FRYL: variants seen among roughly 807,000 people sequenced by gnomAD.
The protein encoded by FRYL is protein furry homolog-like.
Under a neutral mutation model 351.2 loss-of-function variants are expected in FRYL, and 150 were observed. The ratio of observed to expected loss-of-function variants is 0.43; its 90% confidence interval spans 0.37 to 0.49. The LOEUF (loss-of-function observed/expected upper bound fraction) is 0.49, where lower values mean the gene tolerates loss of function less well. Ranked by LOEUF, FRYL falls within the 20% of genes least tolerant of loss-of-function variation. FRYL has a pLI of 0.00. For missense variants in FRYL, 3,036 were observed against 3,619.3 expected, an observed-to-expected ratio of 0.84 and a Z score of 4.13; for synonymous variants, 1,153 against 1,257.1, an observed-to-expected ratio of 0.92 and a Z score of 1.75.
At chr4:48,513,918 G>A (rs889425638) in intron 56 of FRYL, among the ~76,000 whole-genome samples, 2 of 152,144 alleles carry the variant, frequency 1.3e-5, no homozygotes, top group South Asian at 2.1e-4. Context: ...GAATAACATC[G>A]TTTCTGGCAT....
chr4:48,749,435 G>A (rs1057189019), intron 1 of FRYL, among the ~76,000 whole-genome samples: 4 of 152,196 alleles, frequency 2.6e-5, no homozygotes, highest in East Asian at 1.9e-4. Flanking sequence ...GGTAAACTGC[G>A]AAAGGACTGG....
At chr4:48,511,135 G>T in intron 57 of FRYL, 151 bp from the exon 58 acceptor site, 3 of 528,158 alleles carry the variant, frequency 5.7e-6, no homozygotes, top group South Asian at 7.1e-5. Context: ...CATATTTTTA[G>T]GTATTTCCTT....
At position 48,582,873 on chromosome 4, in the gene FRYL, C is replaced by G. The variant is rs61172437; in HGVS notation, c.1749-139G>C. On this transcript the variant is annotated intron_variant, in intron 19 of 63. Coordinates refer to ENST00000358350, the MANE Select transcript of FRYL (RefSeq NM_015030.2). ...ATATGAAGATAGCAACCAATGATCA[C>G]TTTTTCATGCTATATTCAACTTTAT... 4,039 of 648,896 alleles carry G rather than the reference C, an allele frequency of 6.2e-3. 113 individuals are homozygous for G. In the African/African-American group the frequency reaches 0.063, roughly 10 times the overall value. The allele number at this position is 648,896 out of a possible 1,614,324, so 40.2% of individuals were successfully genotyped here.
At chr4:48,529,946 T>C (rs1727160524) in intron 50 of FRYL, among the ~76,000 whole-genome samples, 1 of 152,218 alleles carries the variant, frequency 6.6e-6, no homozygotes, top group African/African-American at 2.4e-5. Flanking sequence ...AATATCCAGT[T>C]TCTCAGGTTT....
chr4:48,645,158 G>C (rs1229458330), intron 3 of FRYL, among the ~76,000 whole-genome samples: 3 of 82,132 alleles, frequency 3.7e-5, no homozygotes, highest in African/African-American at 7.4e-5. Context: ...ATATATATCA[G>C]ACTGGCAAAT....
chr4:48,578,940 C>T, intron 23 of FRYL, 33 bp downstream of exon 23: 2 of 1,535,806 alleles, frequency 1.3e-6, no homozygotes, highest in African/African-American at 2.8e-5. Flanking sequence ...ACAGTCTATA[C>T]ATTTTTAAAT....
intron 33 of FRYL, among the ~76,000 whole-genome samples, chr4:48,560,885 T>C (rs1266552868): frequency 6.6e-6 from 1 of 152,180 alleles, no homozygotes; most frequent in Non-Finnish European, 1.5e-5. Context: ...CACTATCTCT[T>C]GAGCCCAAAT....
intron 53 of FRYL, among the ~76,000 whole-genome samples, 159 bp from the exon 54 acceptor site, chr4:48,523,263 C>T (rs1725284744): frequency 6.6e-6 from 1 of 152,154 alleles, no homozygotes; most frequent in Non-Finnish European, 1.5e-5. Flanking sequence ...ACTGTTAACA[C>T]ACCATCAAAT....
intron 44 of FRYL, 72 bp downstream of exon 44, chr4:48,543,735 A>C: frequency 7.6e-7 from 1 of 1,318,932 alleles, no homozygotes; most frequent in South Asian, 1.4e-5. Flanking sequence ...TAGCTATAGC[A>C]ATCTATATGG....
At chr4:48,550,449 C>T in intron 38 of FRYL, 143 bp downstream of exon 38, 1 of 578,576 alleles carries the variant, frequency 1.7e-6, no homozygotes, top group East Asian at 2.8e-5. Context: ...CAAGATGTTT[C>T]AGATTATGTT....
In FRYL at chr4:48,498,439, T is replaced by C. The variant is rs766433033; in HGVS notation, c.*983A>G. ...AAATAACTGGTTTTAGTCTCTACAG[T>C]TTCTATATGGAGTAAAATAAGTTAA... On this transcript the variant is annotated 3_prime_UTR_variant, in exon 64 of 64. Coordinates refer to ENST00000358350, the MANE Select transcript of FRYL (RefSeq NM_015030.2). 3.9e-5 allele frequency: 6 copies of C among 152,536 alleles called. No individual in the cohort carries two copies. The highest frequency in any genetic ancestry group is 7.3e-5 in the Non-Finnish European group (5 of 68,032). 9.4% of individuals were successfully genotyped at this position (152,536 alleles called of 1,614,324 possible).
intron 1 of FRYL, among the ~76,000 whole-genome samples, chr4:48,769,715 C>T (rs1775319221): frequency 6.6e-6 from 1 of 152,190 alleles, no homozygotes; most frequent in Non-Finnish European, 1.5e-5. Flanking sequence ...ATGTACTCTG[C>T]TACGTTCATA....
chr4:48,717,990 ATGAGAAAAGCATTGAATTCAG>A (rs751735713), intron 1 of FRYL, among the ~76,000 whole-genome samples: 11 of 151,818 alleles, frequency 7.2e-5, no homozygotes, highest in Non-Finnish European at 1.5e-4. Flanking sequence ...ACTCCATATA[ATGAGAAAAGCATTGAATTCAG>A]TGATAAAACC....
intron 3 of FRYL, among the ~76,000 whole-genome samples, chr4:48,667,855 C>T (rs895713705): frequency 4.6e-5 from 7 of 152,144 alleles, no homozygotes; most frequent in Non-Finnish European, 8.8e-5. Context: ...ACCATGTTGG[C>T]CATGCTGGTC....
intron 59 of FRYL, among the ~76,000 whole-genome samples, chr4:48,507,535 C>CAGTTAGCT: frequency 6.6e-6 from 1 of 151,790 alleles, no homozygotes; most frequent in South Asian, 2.1e-4. Context: ...CTCAAACAAA[C>CAGTTAGCT]AGTTAGTTAG....
At chr4:48,510,197 A>G in intron 58 of FRYL, 40 bp from the exon 59 acceptor site, 1 of 1,439,712 alleles carries the variant, frequency 6.9e-7, no homozygotes. Flanking sequence ...ACCATTTCTG[A>G]TTGAAATCAT....
intron 1 of FRYL, among the ~76,000 whole-genome samples, chr4:48,755,387 T>C (rs1773670397): frequency 6.6e-6 from 1 of 152,208 alleles, no homozygotes; most frequent in Non-Finnish European, 1.5e-5. Flanking sequence ...AAATAGACAG[T>C]GAATTTCCAC....
At position 48,546,132 on chromosome 4, in the gene FRYL, A is replaced by G; in HGVS notation, c.5214T>C (p.Asn1738=). ...CCTGCTCCACTGAGATGTCAACCTC[A>G]TTGAGGATAGTGGTGTGCAGATGTG... ...AISHLHTTIL[N]EVDISVEQDG... The change falls in exon 42 of 64, where the codon AAT becomes AAC. Residue 1738 remains asparagine (N), a synonymous_variant. Coordinates refer to ENST00000358350, the MANE Select transcript of FRYL (RefSeq NM_015030.2). 6.2e-7 allele frequency: 1 copy of G among 1,613,794 alleles called. No homozygotes were observed. Among genetic ancestry groups the G allele is most frequent in the Non-Finnish European group, 8.5e-7 (1 of 1,179,854 alleles).
At chr4:48,564,417 T>C (rs143008604) in intron 30 of FRYL, among the ~76,000 whole-genome samples, 1 of 152,310 alleles carries the variant, frequency 6.6e-6, no homozygotes, top group East Asian at 1.9e-4. Flanking sequence ...ACCTCTCCAA[T>C]TATTTTTATC....
Sources: allele counts gnomAD v4.1 joint callset (sites outside exome capture counted in the v4.1 genomes callset), GRCh38; gene constraint gnomAD v4.1.1; transcripts MANE v1.5; gene names NCBI Gene and HGNC (gene_info 2026-07-23, HGNC 2026-07-21).